CAST: variants seen among roughly 807,000 people sequenced by gnomAD.
CAST encodes the protein MIR583 host.
CAST carries 76 observed loss-of-function variants against 119.6 expected under a neutral mutation model. That is an observed-to-expected ratio of 0.64 (90% CI 0.53 to 0.77). The LOEUF is 0.77. CAST is among the 30% of genes least tolerant of loss of function. CAST has a pLI of 0.00. For missense variants in CAST, 953 were observed against 946.5 expected, an observed-to-expected ratio of 1.01 and a Z score of -0.09; for synonymous variants, 319 against 331.6, an observed-to-expected ratio of 0.96 and a Z score of 0.41.
chr5:96,460,723 A>G, the CAST span, among the ~76,000 whole-genome samples: 2 of 152,154 alleles, frequency 1.3e-5, no homozygotes, highest in Non-Finnish European at 2.9e-5. Flanking sequence ...CAGTAAAAGT[A>G]TTTTTAGGCT....
At chr5:96,277,837 T>TA in the CAST span, among the ~76,000 whole-genome samples, 312 of 152,110 alleles carry the variant, frequency 2.1e-3, no homozygotes, top group African/African-American at 7.1e-3. Flanking sequence ...CTTAAACATT[T>TA]AAAAAAATTG....
chr5:96,502,509 T>C, the CAST span, among the ~76,000 whole-genome samples: 1 of 152,010 alleles, frequency 6.6e-6, no homozygotes, highest in African/African-American at 2.4e-5. Flanking sequence ...TAAAAAACAG[T>C]GCATGTTCTT....
chr5:96,102,863 A>T, the CAST span, among the ~76,000 whole-genome samples: 1 of 152,132 alleles, frequency 6.6e-6, no homozygotes, highest in Non-Finnish European at 1.5e-5. Context: ...AATGAATAAG[A>T]TCTCAAGAAA....
the CAST span, among the ~76,000 whole-genome samples, chr5:96,457,619 G>C: frequency 6.6e-6 from 1 of 152,094 alleles, no homozygotes; most frequent in African/African-American, 2.4e-5. Context: ...TCTCTACCTG[G>C]CGTAGTCTTC....
chr5:96,612,946 A>G (rs1333550579), intron 1 of CAST, among the ~76,000 whole-genome samples: 1 of 152,216 alleles, frequency 6.6e-6, no homozygotes. Context: ...ATTAATGTTT[A>G]TCAGTTAGCC....
At chr5:96,383,431 T>A in the CAST span, among the ~76,000 whole-genome samples, 2 of 152,138 alleles carry the variant, frequency 1.3e-5, no homozygotes, top group African/African-American at 4.8e-5. Flanking sequence ...TTCAGACCCA[T>A]GCTAAGCATT....
intron 1 of CAST, among the ~76,000 whole-genome samples, chr5:96,566,767 C>G (rs1221622062): frequency 6.6e-6 from 1 of 152,128 alleles, no homozygotes; most frequent in African/African-American, 2.4e-5. Flanking sequence ...CAGAAACCAG[C>G]ACATTGATGA....
the CAST span, among the ~76,000 whole-genome samples, chr5:96,239,253 A>G: frequency 6.6e-6 from 1 of 152,166 alleles, no homozygotes; most frequent in Non-Finnish European, 1.5e-5. Context: ...AGTCATTTAA[A>G]TAGTACCTGG....
intron 21 of CAST, among the ~76,000 whole-genome samples, 195 bp from the exon 22 acceptor site, chr5:96,754,463 G>C (rs146579292): frequency 1.3e-5 from 2 of 152,334 alleles, no homozygotes; most frequent in African/African-American, 4.8e-5. Flanking sequence ...CCTCACAGCT[G>C]TCTTGCATCC....
chr5:96,750,896 G>GT (rs1386445345), intron 20 of CAST, among the ~76,000 whole-genome samples: 1 of 152,088 alleles, frequency 6.6e-6, no homozygotes, highest in East Asian at 1.9e-4. Context: ...ACTCCCAACT[G>GT]TATTTTTCTC....
chr5:96,020,217 A>G, the CAST span, among the ~76,000 whole-genome samples: 2 of 152,224 alleles, frequency 1.3e-5, no homozygotes, highest in Non-Finnish European at 2.9e-5. Context: ...CAGAATTGGT[A>G]TGATTTCTTG....
At chr5:96,167,461 C>G in the CAST span, among the ~76,000 whole-genome samples, 1 of 152,168 alleles carries the variant, frequency 6.6e-6, no homozygotes, top group Non-Finnish European at 1.5e-5. Context: ...CATGCAGGAG[C>G]TCAAATGGGC....
the CAST span, among the ~76,000 whole-genome samples, chr5:96,188,503 T>G: frequency 6.6e-6 from 1 of 152,172 alleles, no homozygotes; most frequent in Non-Finnish European, 1.5e-5. Context: ...TAGTTTTTCT[T>G]TGTTTTTGGT....
At chr5:96,312,891 C>G in the CAST span, among the ~76,000 whole-genome samples, 1 of 152,042 alleles carries the variant, frequency 6.6e-6, no homozygotes. Context: ...ACCTTTTCCT[C>G]AGTTTTCTCA....
intron 16 of CAST, chr5:96,743,581 T>C: frequency 6.3e-7 from 1 of 1,593,428 alleles, no homozygotes. Context: ...GGAGTCTCCC[T>C]GACTTCCAGC....
At chr5:96,542,236 G>C (rs530550898) in intron 1 of CAST, among the ~76,000 whole-genome samples, 17 of 151,128 alleles carry the variant, frequency 1.1e-4, no homozygotes, top group Non-Finnish European at 2.2e-4. Context: ...CGTGAACCCC[G>C]GGGGGCGGAG....
At chr5:96,621,865 T>C (rs937001316) in intron 1 of CAST, among the ~76,000 whole-genome samples, 5 of 151,914 alleles carry the variant, frequency 3.3e-5, no homozygotes, top group African/African-American at 1.2e-4. Context: ...GAAGCTGCAA[T>C]CATGGTAGGT....
chr5:96,140,680 G>A, the CAST span, among the ~76,000 whole-genome samples: 2 of 152,144 alleles, frequency 1.3e-5, no homozygotes, highest in Admixed American at 1.3e-4. Context: ...TGGTTGGTGC[G>A]AGAGTTATGT....
chr5:96,705,603 G>T (rs1754800935), intron 3 of CAST, among the ~76,000 whole-genome samples: 1 of 152,020 alleles, frequency 6.6e-6, no homozygotes, highest in Non-Finnish European at 1.5e-5. Context: ...GAAGGTGACT[G>T]TAATAGGTTC....
Sources: allele counts gnomAD v4.1 joint callset (sites outside exome capture counted in the v4.1 genomes callset), GRCh38; gene constraint gnomAD v4.1.1; transcripts MANE v1.5; gene names NCBI Gene and HGNC (gene_info 2026-07-23, HGNC 2026-07-21).